IL1RAPL1: variants seen among roughly 807,000 people sequenced by gnomAD.
IL1RAPL1 encodes interleukin-1 receptor accessory protein-like 1.
In IL1RAPL1, 3 loss-of-function variants were observed where a neutral mutation model predicts 48.4. That is an observed-to-expected ratio of 0.06 (90% confidence interval 0.03 to 0.16). The LOEUF (loss-of-function observed/expected upper bound fraction) is 0.16, where lower values mean the gene tolerates loss of function less well. Among genes scored for constraint, IL1RAPL1 ranks in the 10% least tolerant of loss-of-function variants. IL1RAPL1 has a pLI of 1.00. For missense variants in IL1RAPL1, 349 were observed against 530.6 expected, an observed-to-expected ratio of 0.66 and a Z score of 3.36; for synonymous variants, 185 against 187.7, an observed-to-expected ratio of 0.99 and a Z score of 0.12.
At chrX:29,803,064 T>C (rs1476907503) in intron 6 of IL1RAPL1, among the ~76,000 whole-genome samples, 3 of 86,232 alleles carry the variant, frequency 3.5e-5, no homozygotes, top group East Asian at 7.9e-4. Context: ...CATATATATG[T>C]ATGCATGTAT....
intron 3 of IL1RAPL1, among the ~76,000 whole-genome samples, chrX:29,329,527 T>A (rs1409386828): frequency 9.0e-6 from 1 of 111,529 alleles, no homozygotes; most frequent in African/African-American, 3.3e-5. Context: ...AAAAATGAAC[T>A]ACTGGCTTGG....
At chrX:29,287,706 T>G (rs1195926993) in intron 3 of IL1RAPL1, among the ~76,000 whole-genome samples, 1 of 112,477 alleles carries the variant, frequency 8.9e-6, no homozygotes, top group Non-Finnish European at 1.9e-5. Context: ...TCTCTCTTCT[T>G]GTCAGTAAAA....
chrX:28,820,993 T>A (rs1250947057), intron 2 of IL1RAPL1, among the ~76,000 whole-genome samples: 3 of 111,569 alleles, frequency 2.7e-5, no homozygotes, highest in Non-Finnish European at 5.7e-5. Context: ...GTAATGATGC[T>A]GAGTTGACAA....
At chrX:29,184,752 C>T (rs769814710) in intron 2 of IL1RAPL1, among the ~76,000 whole-genome samples, 8 of 111,669 alleles carry the variant, frequency 7.2e-5, no homozygotes, top group Admixed American at 2.8e-4. Flanking sequence ...CTGCCTGCCT[C>T]GGCTTCCCAA....
At chrX:28,793,715 TG>T (rs1421555742) in intron 2 of IL1RAPL1, among the ~76,000 whole-genome samples, 1 of 111,313 alleles carries the variant, frequency 9.0e-6, no homozygotes, top group African/African-American at 3.3e-5. Context: ...TATAGCACTT[TG>T]CGGGGACTAA....
At chrX:29,165,987 T>G (rs2147509299) in intron 2 of IL1RAPL1, among the ~76,000 whole-genome samples, 1 of 112,865 alleles carries the variant, frequency 8.9e-6, no homozygotes, top group South Asian at 3.6e-4. Context: ...ATAAGGGTAG[T>G]ATTTAGTCAT....
At chrX:29,044,240 T>C (rs889368818) in intron 2 of IL1RAPL1, among the ~76,000 whole-genome samples, 1 of 110,509 alleles carries the variant, frequency 9.0e-6, no homozygotes, top group Non-Finnish European at 1.9e-5. Flanking sequence ...AAAACCAGCC[T>C]GGCCAACACG....
intron 3 of IL1RAPL1, among the ~76,000 whole-genome samples, chrX:29,371,221 T>TACC (rs1344321875): frequency 2.0e-4 from 19 of 96,369 alleles, no homozygotes; most frequent in East Asian, 1.4e-3. Flanking sequence ...AACCTCCTCC[T>TACC]ACCAGGTTCA....
intron 1 of IL1RAPL1, among the ~76,000 whole-genome samples, chrX:28,682,280 G>GT (rs1244753123): frequency 2.2e-3 from 233 of 108,257 alleles, no homozygotes; most frequent in African/African-American, 7.3e-3. Flanking sequence ...TTTCAATTCT[G>GT]TTTTTTTTTG....
chrX:29,564,256 G>A (rs1922329542), intron 5 of IL1RAPL1, among the ~76,000 whole-genome samples: 1 of 112,169 alleles, frequency 8.9e-6, no homozygotes, highest in Non-Finnish European at 1.9e-5. Flanking sequence ...GGCATTTCAT[G>A]ACCCAGGAGG....
chrX:28,943,768 A>G (rs1038499133), intron 2 of IL1RAPL1, among the ~76,000 whole-genome samples: 1 of 111,017 alleles, frequency 9.0e-6, no homozygotes, highest in Non-Finnish European at 1.9e-5. Flanking sequence ...TGCACTCAGT[A>G]CTTTAATTTA....
intron 6 of IL1RAPL1, among the ~76,000 whole-genome samples, chrX:29,750,820 G>A (rs767974665): frequency 2.7e-5 from 3 of 111,318 alleles, no homozygotes; most frequent in Non-Finnish European, 5.7e-5. Flanking sequence ...TCTAGCTGAT[G>A]TAATTATAGC....
intron 5 of IL1RAPL1, among the ~76,000 whole-genome samples, chrX:29,533,021 A>G (rs776814856): frequency 4.5e-5 from 5 of 112,250 alleles, no homozygotes; most frequent in African/African-American, 1.3e-4. Flanking sequence ...GCCTAGAGAC[A>G]TAACAGTCTA....
intron 2 of IL1RAPL1, among the ~76,000 whole-genome samples, chrX:29,039,006 A>G (rs1285375076): frequency 8.9e-6 from 1 of 112,014 alleles, no homozygotes; most frequent in Non-Finnish European, 1.9e-5. Flanking sequence ...GAATTGACTC[A>G]TCCACACCTA....
chrX:29,126,382 AT>A (rs1273776119), intron 2 of IL1RAPL1, among the ~76,000 whole-genome samples: 1 of 112,419 alleles, frequency 8.9e-6, no homozygotes, highest in South Asian at 3.6e-4. Context: ...AATGTGCAGT[AT>A]TAAATAGAAT....
At chrX:28,975,978 A>C (rs1663870019) in intron 2 of IL1RAPL1, among the ~76,000 whole-genome samples, 1 of 111,940 alleles carries the variant, frequency 8.9e-6, no homozygotes, top group Non-Finnish European at 1.9e-5. Context: ...TGTCATGTTC[A>C]AAGAAGAGCT....
chrX:29,785,434 T>C (rs1472564082), intron 6 of IL1RAPL1, among the ~76,000 whole-genome samples: 9 of 112,250 alleles, frequency 8.0e-5, no homozygotes, highest in Non-Finnish European at 1.5e-4. Flanking sequence ...TAGAAAATGC[T>C]TGATAGTTTT....
chrX:29,228,648 T>C (rs5943624), intron 2 of IL1RAPL1, among the ~76,000 whole-genome samples: 46,169 of 110,171 alleles, frequency 0.42, 9,413 homozygotes, highest in Non-Finnish European at 0.63. Flanking sequence ...CCACCGCACC[T>C]GGCCAGTTTT....
At chrX:29,906,194 G>C (rs1352218853) in intron 6 of IL1RAPL1, among the ~76,000 whole-genome samples, 1 of 106,111 alleles carries the variant, frequency 9.4e-6, no homozygotes, top group Non-Finnish European at 1.9e-5. Context: ...AATCAGCCGG[G>C]CGTCGTGGCG....
Sources: allele counts gnomAD v4.1 joint callset (sites outside exome capture counted in the v4.1 genomes callset), GRCh38; gene constraint gnomAD v4.1.1; transcripts MANE v1.5; gene names NCBI Gene and HGNC (gene_info 2026-07-23, HGNC 2026-07-21).